FSTL4: variants seen among roughly 807,000 people sequenced by gnomAD.
FSTL4 encodes the protein follistatin-related protein 4.
FSTL4 carries 28 observed loss-of-function variants against 78.2 expected under a neutral mutation model. That is an observed-to-expected ratio of 0.36 (90% confidence interval 0.27 to 0.49). The LOEUF is 0.49. FSTL4 is among the 20% of genes least tolerant of loss of function. FSTL4 has a pLI of 0.98. For missense variants in FSTL4, 922 were observed against 1,084.9 expected (o/e 0.85, Z 2.11); for synonymous variants, 422 against 440.5 (o/e 0.96, Z 0.53).
At chr5:133,814,228 C>T in the FSTL4 span, among the ~76,000 whole-genome samples, 7 of 152,140 alleles carry the variant, frequency 4.6e-5, no homozygotes, top group East Asian at 9.6e-4. Flanking sequence ...GCTGGGTCTT[C>T]GTGCAAGGTT....
chr5:133,356,895 A>T (rs1035785961), intron 4 of FSTL4, among the ~76,000 whole-genome samples: 1 of 152,208 alleles, frequency 6.6e-6, no homozygotes, highest in African/African-American at 2.4e-5. Context: ...TTCCCTGCCC[A>T]TCAGGAAGAG....
At chr5:133,224,696 G>A (rs956918644) in intron 10 of FSTL4, among the ~76,000 whole-genome samples, 2 of 152,120 alleles carry the variant, frequency 1.3e-5, no homozygotes, top group Non-Finnish European at 2.9e-5. Flanking sequence ...CCTACCTGGG[G>A]AGCAGTGGTT....
At chr5:133,648,573 G>T in the FSTL4 span, among the ~76,000 whole-genome samples, 4 of 152,122 alleles carry the variant, frequency 2.6e-5, no homozygotes, top group Non-Finnish European at 5.9e-5. Flanking sequence ...CTAAGCCTGG[G>T]AAGAAGCTTA....
the FSTL4 span, among the ~76,000 whole-genome samples, chr5:133,736,448 C>T: frequency 6.6e-6 from 1 of 152,260 alleles, no homozygotes; most frequent in Non-Finnish European, 1.5e-5. Context: ...AAAGCAACAG[C>T]AGAAGGAACA....
chr5:133,375,993 C>T (rs1018551358), intron 4 of FSTL4, among the ~76,000 whole-genome samples: 2 of 152,148 alleles, frequency 1.3e-5, no homozygotes, highest in Admixed American at 6.5e-5. Context: ...GTTGATTCTT[C>T]CTGAATTTAC....
At chr5:133,272,761 C>T (rs966314087) in intron 6 of FSTL4, among the ~76,000 whole-genome samples, 1 of 152,168 alleles carries the variant, frequency 6.6e-6, no homozygotes, top group Non-Finnish European at 1.5e-5. Context: ...AAGGCAGCAT[C>T]GCGAGTGGTG....
intron 8 of FSTL4, among the ~76,000 whole-genome samples, chr5:133,229,075 G>T (rs1243371715): frequency 6.6e-6 from 1 of 152,076 alleles, no homozygotes; most frequent in Non-Finnish European, 1.5e-5. Flanking sequence ...AAAATATAAT[G>T]GAACTCAATG....
At chr5:133,461,678 T>C (rs571031623) in intron 3 of FSTL4, among the ~76,000 whole-genome samples, 1 of 152,338 alleles carries the variant, frequency 6.6e-6, no homozygotes, top group East Asian at 1.9e-4. Context: ...TCCAGTGACC[T>C]TGGAGAAGGG....
intron 4 of FSTL4, among the ~76,000 whole-genome samples, chr5:133,399,936 G>T (rs1235805029): frequency 2.0e-5 from 3 of 152,182 alleles, no homozygotes; most frequent in Non-Finnish European, 4.4e-5. Context: ...CACAGGCCAT[G>T]GCATGTACTA....
intron 4 of FSTL4, among the ~76,000 whole-genome samples, chr5:133,350,744 T>C (rs1411292356): frequency 1.3e-5 from 2 of 152,182 alleles, no homozygotes; most frequent in Non-Finnish European, 2.9e-5. Context: ...TGCCATCCCC[T>C]GGGTGTGGCC....
chr5:133,467,890 C>T (rs931481906), intron 3 of FSTL4, among the ~76,000 whole-genome samples: 9 of 152,178 alleles, frequency 5.9e-5, no homozygotes, highest in East Asian at 1.9e-4. Flanking sequence ...TTGAAACACT[C>T]GGGTGGTTTA....
chr5:133,657,498 T>C, the FSTL4 span, among the ~76,000 whole-genome samples: 14,870 of 152,198 alleles, frequency 0.098, 846 homozygotes, highest in South Asian at 0.17. Flanking sequence ...ACAATGTCCA[T>C]TGGTTCATGA....
chr5:133,547,813 T>A (rs555028938), intron 3 of FSTL4, among the ~76,000 whole-genome samples: 48 of 152,230 alleles, frequency 3.2e-4, no homozygotes, highest in African/African-American at 7.9e-4. Flanking sequence ...CCTCTTTTTT[T>A]AAAAAAATAA....
chr5:133,838,586 C>CT, the FSTL4 span, among the ~76,000 whole-genome samples: 8 of 152,290 alleles, frequency 5.3e-5, no homozygotes, highest in East Asian at 1.2e-3. Context: ...ACTCAAATTG[C>CT]TAAAAACTGG....
chr5:133,668,323 A>T, the FSTL4 span, among the ~76,000 whole-genome samples: 6 of 152,206 alleles, frequency 3.9e-5, no homozygotes, highest in African/African-American at 7.2e-5. Flanking sequence ...AGAAAGTCAC[A>T]TGGAACCAGG....
At chr5:133,485,081 C>A (rs947685927) in intron 3 of FSTL4, among the ~76,000 whole-genome samples, 3 of 152,164 alleles carry the variant, frequency 2.0e-5, no homozygotes, top group Admixed American at 6.5e-5. Context: ...TTGACAGTAA[C>A]CATAAATTTT....
rs1181296061 is a variant in FSTL4, at chr5:133,440,136, C to A, written c.161-39150G>T. Among the ~76,000 whole-genome samples the A allele has an allele frequency of 6.6e-6, 1 of 152,148 alleles. No individual in the cohort carries two copies. Among genetic ancestry groups the A allele is most frequent in the South Asian group, 2.1e-4 (1 of 4,816 alleles). Reference sequence around the variant, plus strand: ...TGGAAGAATGGCAGGTCCAGCTGGGCGAGTAGTACAGGAGAGAGCTCTGGA... The same window carrying A: ...TGGAAGAATGGCAGGTCCAGCTGGGAGAGTAGTACAGGAGAGAGCTCTGGA... On this transcript the variant is annotated intron_variant, in intron 3 of 15. Transcript: ENST00000265342. This position sits in a 1 kb window ranked among gnomAD's most constrained non-coding sequence, Gnocchi z 4.1.
In FSTL4 at chr5:133,236,721, T is replaced by C. The variant is rs13185498; in HGVS notation, c.895-3184A>G. Among the ~76,000 whole-genome samples, 14,112 of 152,224 alleles carry C rather than the reference T, an allele frequency of 0.093. 1,939 individuals are homozygous for C. The highest frequency in any genetic ancestry group is 0.3 in the African/African-American group (12,541 of 41,490). On this transcript the variant is annotated intron_variant, in intron 7 of 15. Transcript: ENST00000265342. The surrounding 1 kb of genome is among the most constrained non-coding windows in gnomAD (Gnocchi z 5.0). ...CACACTCCCCTTGCTGTTGCTCTAG[T>C]GTGCCAGGCATGCTCCCCTCCTCCC...
At chr5:133,203,945 C>T (rs181445024) in intron 14 of FSTL4, among the ~76,000 whole-genome samples, 1 of 147,750 alleles carries the variant, frequency 6.8e-6, no homozygotes, top group East Asian at 2.0e-4. Flanking sequence ...TGTGTCCTGA[C>T]ACACAGCTGG....
Sources: gnomAD v4.1 joint callset for allele counts (sites outside exome capture counted in the v4.1 genomes callset) on GRCh38, gnomAD v4.1.1 for gene constraint, Gnocchi (gnomAD v3.1) non-coding constraint, MANE v1.5 for transcripts, NCBI Gene and HGNC (gene_info 2026-07-23, HGNC 2026-07-21) for gene names.